PDE10A: variants seen among roughly 807,000 people sequenced by gnomAD.
The protein encoded by PDE10A is phosphodiesterase 10A.
In PDE10A, 39 loss-of-function variants were observed where a neutral mutation model predicts 97.7. The ratio of observed to expected loss-of-function variants is 0.40; its 90% CI spans 0.31 to 0.52. The LOEUF (loss-of-function observed/expected upper bound fraction) is 0.52, where lower values mean the gene tolerates loss of function less well. Among genes scored for constraint, PDE10A ranks in the 20% least tolerant of loss-of-function variants. PDE10A has a pLI of 0.56. For missense variants in PDE10A, 731 were observed against 1,047.8 expected (o/e 0.70, Z 4.17); for synonymous variants, 371 against 376.8 (o/e 0.98, Z 0.18).
At chr6:165,686,035 A>G (rs1425568437) in intron 1 of PDE10A, among the ~76,000 whole-genome samples, 1 of 151,932 alleles carries the variant, frequency 6.6e-6, no homozygotes, top group Non-Finnish European at 1.5e-5. Flanking sequence ...CTTCAGTGTG[A>G]ATATTGGCTC....
chr6:165,352,026 G>A (rs71571406), intron 18 of PDE10A, among the ~76,000 whole-genome samples: 24,049 of 151,890 alleles, frequency 0.16, 2,101 homozygotes, highest in Admixed American at 0.2. Flanking sequence ...GTTAATTTTT[G>A]TATTTTTAGT....
chr6:165,882,509 A>G (rs1781510236), intron 1 of PDE10A, among the ~76,000 whole-genome samples: 1 of 152,230 alleles, frequency 6.6e-6, no homozygotes, highest in South Asian at 2.1e-4. Context: ...TGGCTTAAAA[A>G]GGATAACAAG....
At chr6:165,669,936 T>C (rs1435222177) in intron 1 of PDE10A, among the ~76,000 whole-genome samples, 3 of 152,244 alleles carry the variant, frequency 2.0e-5, no homozygotes, top group Non-Finnish European at 2.9e-5. Context: ...TTAAAGTATT[T>C]GTGGGTTTTG....
chr6:165,908,902 C>A (rs369039542), intron 1 of PDE10A: 2 of 152,336 alleles, frequency 1.3e-5, no homozygotes, highest in African/African-American at 4.8e-5. Flanking sequence ...CTGTCCACTG[C>A]AGCCTGTTAA....
At chr6:165,850,572 G>A (rs1780547527) in intron 1 of PDE10A, among the ~76,000 whole-genome samples, 1 of 152,088 alleles carries the variant, frequency 6.6e-6, no homozygotes, top group Non-Finnish European at 1.5e-5. Context: ...TAAATTCAGA[G>A]TAGGATCCAT....
intron 1 of PDE10A, among the ~76,000 whole-genome samples, chr6:165,608,771 C>G (rs1787350078): frequency 6.6e-6 from 1 of 152,194 alleles, no homozygotes; most frequent in African/African-American, 2.4e-5. Context: ...TCTCCAGCAC[C>G]TGTTATTTCC....
intron 1 of PDE10A, among the ~76,000 whole-genome samples, chr6:165,984,847 A>T (rs551277452): frequency 6.6e-6 from 1 of 152,352 alleles, no homozygotes; most frequent in Admixed American, 6.5e-5. Context: ...CTTCCAGTGT[A>T]ACCAAAATGC....
At chr6:165,537,640 T>C (rs1257866125) in intron 2 of PDE10A, among the ~76,000 whole-genome samples, 1 of 151,964 alleles carries the variant, frequency 6.6e-6, no homozygotes, top group Non-Finnish European at 1.5e-5. Context: ...ACAGAAATAA[T>C]AGAATATGCC....
intron 1 of PDE10A, among the ~76,000 whole-genome samples, chr6:165,588,247 G>A (rs1409125948): frequency 6.6e-6 from 1 of 151,066 alleles, no homozygotes; most frequent in Non-Finnish European, 1.5e-5. Context: ...GTAAACTGCT[G>A]GAGAGTGAGG....
At chr6:165,457,106 A>C (rs529440140) in intron 3 of PDE10A, among the ~76,000 whole-genome samples, 1 of 152,342 alleles carries the variant, frequency 6.6e-6, no homozygotes, top group East Asian at 1.9e-4. Flanking sequence ...AGACACTTCT[A>C]TGGAAACCCC....
chr6:165,827,710 A>G (rs1269954639), intron 1 of PDE10A, among the ~76,000 whole-genome samples: 1 of 152,132 alleles, frequency 6.6e-6, no homozygotes, highest in Non-Finnish European at 1.5e-5. Flanking sequence ...TGGCTACATG[A>G]GTAAGTTCTT....
At chr6:165,666,251 CATT>C (rs1238137357), upstream of PDE10A, among the ~76,000 whole-genome samples, 13 of 152,196 alleles carry the variant, frequency 8.5e-5, no homozygotes, top group Admixed American at 5.2e-4. Context: ...AATTTCACAT[CATT>C]GATTCTTGAA....
intron 18 of PDE10A, among the ~76,000 whole-genome samples, chr6:165,346,461 C>T (rs1242632181): frequency 6.6e-6 from 1 of 152,186 alleles, no homozygotes; most frequent in African/African-American, 2.4e-5. Context: ...TATCCCAGAT[C>T]AAGTGGAGCA....
intron 1 of PDE10A, among the ~76,000 whole-genome samples, chr6:165,686,017 T>C (rs767026956): frequency 2.0e-5 from 3 of 152,096 alleles, no homozygotes; most frequent in Non-Finnish European, 4.4e-5. Flanking sequence ...GGGAAAGAGA[T>C]GGCCACTCTT....
intron 3 of PDE10A, among the ~76,000 whole-genome samples, chr6:165,464,905 A>G (rs1778544285): frequency 6.6e-6 from 1 of 152,180 alleles, no homozygotes; most frequent in Non-Finnish European, 1.5e-5. Context: ...CTGCCATACT[A>G]TTGCTGGACA....
intron 1 of PDE10A, among the ~76,000 whole-genome samples, chr6:165,826,482 C>T (rs1394524891): frequency 4.9e-5 from 7 of 144,068 alleles, no homozygotes; most frequent in East Asian, 3.9e-4. Context: ...CACCTGTCCC[C>T]ACGTCCCTCT....
At chr6:165,393,633 C>T (rs1234860111) in intron 15 of PDE10A, among the ~76,000 whole-genome samples, 1 of 152,126 alleles carries the variant, frequency 6.6e-6, no homozygotes. Flanking sequence ...AAACTCTCAA[C>T]TGCATTCTGA....
intron 1 of PDE10A, among the ~76,000 whole-genome samples, chr6:165,568,191 G>A (rs181664866): frequency 1.3e-5 from 2 of 152,054 alleles, no homozygotes; most frequent in Admixed American, 6.6e-5. Context: ...AGTAGAGACG[G>A]GGTTTCACCA....
chr6:165,643,359 T>C (rs1230154377), intron 1 of PDE10A, among the ~76,000 whole-genome samples: 1 of 152,068 alleles, frequency 6.6e-6, no homozygotes, highest in Non-Finnish European at 1.5e-5. Flanking sequence ...TTTGCTGACT[T>C]AGTGAAATAA....
Sources: allele counts gnomAD v4.1 joint callset (sites outside exome capture counted in the v4.1 genomes callset), GRCh38; gene constraint gnomAD v4.1.1; transcripts MANE v1.5; gene names NCBI Gene and HGNC (gene_info 2026-07-23, HGNC 2026-07-21).